CKAP5: variants seen among roughly 807,000 people sequenced by gnomAD.
CKAP5 encodes the protein cytoskeleton associated protein 5.
Under a neutral mutation model 232.8 loss-of-function variants are expected in CKAP5, and 27 were observed. The observed-to-expected ratio is 0.12, with a 90% CI of 0.09 to 0.16. CKAP5 has a LOEUF of 0.16. Ranked by LOEUF, CKAP5 falls within the 10% of genes least tolerant of loss-of-function variation. The probability of loss-of-function intolerance (pLI) is 1.00; values close to 1 mark genes in which losing one functional copy is unlikely to be tolerated. For missense variants in CKAP5, 1,838 were observed against 2,424.7 expected, an observed-to-expected ratio of 0.76 and a Z score of 5.08; for synonymous variants, 785 against 841.1, an observed-to-expected ratio of 0.93 and a Z score of 1.16.
At position 46,745,504 on chromosome 11, in the gene CKAP5, C is replaced by T. The variant is rs60652957; in HGVS notation, c.5705-927G>A. 1.9e-3 allele frequency among the ~76,000 whole-genome samples: 294 copies of T among 152,290 alleles called. 1 individual carries two copies. Among genetic ancestry groups the T allele is most frequent in the African/African-American group, 6.8e-3 (281 of 41,550 alleles). On this transcript the variant is annotated intron_variant, in intron 42 of 43. Coordinates refer to ENST00000529230, the MANE Select transcript of CKAP5 (RefSeq NM_001008938.4). ...TGCTGTTTAGGCCAAAATTATCACA[C>T]GTTGAACATCCCCAAAAAGGGCTTT...
intron 36 of CKAP5, among the ~76,000 whole-genome samples, chr11:46,754,288 T>C (rs937261889): frequency 2.6e-5 from 4 of 152,204 alleles, no homozygotes; most frequent in Non-Finnish European, 5.9e-5. Context: ...TGAGCCACTG[T>C]GCCTGGCCAA....
chr11:46,797,228 G>A (rs1248922920), intron 11 of CKAP5, among the ~76,000 whole-genome samples: 5 of 152,038 alleles, frequency 3.3e-5, no homozygotes, highest in African/African-American at 7.2e-5. Context: ...CTAGCCGGGC[G>A]TGGTGGCACA....
intron 24 of CKAP5, among the ~76,000 whole-genome samples, chr11:46,775,899 C>T (rs2065286187): frequency 6.6e-6 from 1 of 152,018 alleles, no homozygotes; most frequent in Admixed American, 6.6e-5. Context: ...ATGCAGCAAA[C>T]CACCATGGCA....
intron 8 of CKAP5, among the ~76,000 whole-genome samples, chr11:46,802,882 C>T (rs763702033): frequency 6.6e-6 from 1 of 152,132 alleles, no homozygotes; most frequent in Non-Finnish European, 1.5e-5. Flanking sequence ...ACAAATTAGG[C>T]ACCAAAATTT....
At chr11:46,750,671 A>G (rs2065057012) in intron 40 of CKAP5, 60 bp from the exon 41 acceptor site, 1 of 1,278,680 alleles carries the variant, frequency 7.8e-7, no homozygotes, top group Non-Finnish European at 1.1e-6. Context: ...TTAGGAACTG[A>G]TGGTTGGATA....
At chr11:46,783,191 G>T in intron 18 of CKAP5, 83 bp downstream of exon 18, 1 of 739,690 alleles carries the variant, frequency 1.4e-6, no homozygotes, top group Non-Finnish European at 2.3e-6. Context: ...GAAATAAACA[G>T]CAATAGCTAT....
chr11:46,787,183 G>A (rs922123699), intron 16 of CKAP5, among the ~76,000 whole-genome samples: 1 of 152,134 alleles, frequency 6.6e-6, no homozygotes, highest in African/African-American at 2.4e-5. Context: ...GGTGTGAGAG[G>A]AAGAGGGCAC....
intron 17 of CKAP5, 51 bp downstream of exon 17, chr11:46,784,437 T>C (rs760406863): frequency 6.9e-7 from 1 of 1,444,484 alleles, no homozygotes; most frequent in Non-Finnish European, 9.5e-7. Context: ...GCTTAAAGTT[T>C]GGGGGAAAAA....
chr11:46,807,555 CA>C (rs1939185178), intron 8 of CKAP5, among the ~76,000 whole-genome samples: 1 of 152,166 alleles, frequency 6.6e-6, no homozygotes, highest in South Asian at 2.1e-4. Flanking sequence ...ATTCAACTTG[CA>C]ATACCAAAAG....
chr11:46,772,721 A>G (rs2065257648), intron 24 of CKAP5, among the ~76,000 whole-genome samples: 1 of 151,622 alleles, frequency 6.6e-6, no homozygotes. Context: ...AGCTAATTGT[A>G]AAGTGATTCC....
In CKAP5 at chr11:46,784,737, T is replaced by C. The variant is rs878887621; in HGVS notation, c.1969-64A>G. The C allele has an allele frequency of 8.9e-6, 11 of 1,231,094 alleles. No individual in the cohort carries two copies. In the South Asian group the frequency reaches 1.5e-4, roughly 17 times the overall value. The allele number at this position is 1,231,094 out of a possible 1,614,324, so 76.3% of individuals were successfully genotyped here. A position where few individuals can be genotyped will look rare whatever the true frequency, so the allele number is the denominator to read the frequency against. On this transcript the variant is annotated intron_variant, in intron 16 of 43. Transcript: ENST00000529230. ...AAGGACATTTATTTATTTACTTGTA[T>C]TAACAGCATGTAACAGATATGACAT...
At position 46,783,349 on chromosome 11, in the gene CKAP5, G is replaced by A; in HGVS notation, c.2174C>T (p.Ser725Leu). 6.2e-7 allele frequency: 1 copy of A among 1,609,768 alleles called. No homozygotes were observed. The highest frequency in any genetic ancestry group is 1.1e-5 in the South Asian group (1 of 90,706). The change falls in exon 18 of 44, where the codon TCA becomes TTA. Residue 725 changes from serine (S) to leucine (L), a missense_variant. Around this residue, in one of 6 missense-constraint regions of CKAP5, gnomAD observed 767 missense variants for 954.6 expected, o/e 0.80. Coordinates refer to ENST00000529230, the MANE Select transcript of CKAP5 (RefSeq NM_001008938.4). ...TAEQVVSMAFSQKNPKNQSET... is the reference protein window; with the variant it reads ...TAEQVVSMAFLQKNPKNQSET... The stretch of plus-strand genomic sequence containing the variant: ...TGACTGATTTTTGGGATTCTTTTGT[G>A]AGAAAGCCATTGACACAACCTGAAA...
In CKAP5 at chr11:46,762,769, G is replaced by A. The variant is rs753921534; in HGVS notation, c.3892-7C>T. 17 of 1,612,906 alleles carry A rather than the reference G, an allele frequency of 1.1e-5. No homozygotes were observed. The highest frequency in any genetic ancestry group is 8.9e-5 in the East Asian group (4 of 44,866). On this transcript the variant is annotated splice_region_variant and splice_polypyrimidine_tract_variant and intron_variant, in intron 30 of 43. Coordinates refer to ENST00000529230, the MANE Select transcript of CKAP5 (RefSeq NM_001008938.4). ...CATCCTTTGGTTCTCCAACCTAGTC[G>A]ATAAGGAAAATAATGATTAAGTGAG...
intron 3 of CKAP5, among the ~76,000 whole-genome samples, chr11:46,817,126 A>AAG (rs1348974895): frequency 6.6e-6 from 1 of 151,360 alleles, no homozygotes; most frequent in African/African-American, 2.4e-5. Flanking sequence ...AAAAAAAAAA[A>AAG]AGAGAGAGAG....
At chr11:46,772,428 G>A (rs1444157452) in intron 24 of CKAP5, among the ~76,000 whole-genome samples, 1 of 152,146 alleles carries the variant, frequency 6.6e-6, no homozygotes, top group Non-Finnish European at 1.5e-5. Flanking sequence ...AAGTTCTATA[G>A]TTTTATGTTT....
At chr11:46,747,979 G>A (rs1287324364) in intron 42 of CKAP5, among the ~76,000 whole-genome samples, 5 of 152,108 alleles carry the variant, frequency 3.3e-5, no homozygotes, top group Non-Finnish European at 7.4e-5. Context: ...AGGACTGCTT[G>A]AACCCAGTGA....
chr11:46,743,843 C>T lies in CKAP5; in HGVS notation c.*180G>A, dbSNP rs1432462905. 1.4e-6 allele frequency: 1 copy of T among 730,956 alleles called. No homozygotes were observed. Among genetic ancestry groups the T allele is most frequent in the African/African-American group, 1.8e-5 (1 of 56,504 alleles). The allele number at this position is 730,956 out of a possible 1,614,324, so 45.3% of individuals were successfully genotyped here. On this transcript the variant is annotated 3_prime_UTR_variant, in exon 44 of 44. Transcript: ENST00000529230. ...GACAGTCTTCTAGAGCAGCAGGACG[C>T]TGACAGAGAGAAGCAGAGTATGTAC...
chr11:46,820,926 G>C, intron 2 of CKAP5: 1 of 435,412 alleles, frequency 2.3e-6, no homozygotes, highest in East Asian at 4.5e-5. Context: ...AAACTAGCCA[G>C]TTACTTTTCA....
At chr11:46,803,069 A>G (rs1479635705) in intron 8 of CKAP5, among the ~76,000 whole-genome samples, 1 of 151,762 alleles carries the variant, frequency 6.6e-6, no homozygotes, top group Non-Finnish European at 1.5e-5. Context: ...TTCAAGACCA[A>G]CCTGGGCAAC....
Sources: allele counts gnomAD v4.1 joint callset (sites outside exome capture counted in the v4.1 genomes callset), GRCh38; gene constraint gnomAD v4.1.1; regional missense constraint gnomAD v4.1.1; transcripts MANE v1.5; gene names NCBI Gene and HGNC (gene_info 2026-07-23, HGNC 2026-07-21).